Variants in PXDNL observed in about 807,000 individuals in gnomAD.
PXDNL encodes the protein probable oxidoreductase PXDNL.
A neutral mutation model predicts 150.8 loss-of-function variants in PXDNL; 145 were observed. That is an observed-to-expected ratio of 0.96 (90% CI 0.84 to 1.10). The LOEUF is 1.10. PXDNL is among the 50% of genes least tolerant of loss of function. The pLI is 0.00. For missense variants in PXDNL, 2,087 were observed against 1,873.9 expected, an observed-to-expected ratio of 1.11 and a Z score of -2.10; for synonymous variants, 757 against 725.7, an observed-to-expected ratio of 1.04 and a Z score of -0.69.
intron 1 of PXDNL, among the ~76,000 whole-genome samples, chr8:51,726,496 G>A (rs745757494): frequency 4.6e-5 from 7 of 152,212 alleles, no homozygotes; most frequent in Non-Finnish European, 1.0e-4. Flanking sequence ...GAAAAACATA[G>A]ACGTGACTAT....
chr8:51,431,530 T>C (rs1341527070), intron 12 of PXDNL, among the ~76,000 whole-genome samples: 3 of 152,228 alleles, frequency 2.0e-5, no homozygotes, highest in African/African-American at 2.4e-5. Flanking sequence ...TTTGTGGCTT[T>C]TGACACATTT....
chr8:51,423,267 C>G (rs1809003911), intron 14 of PXDNL, among the ~76,000 whole-genome samples: 1 of 152,182 alleles, frequency 6.6e-6, no homozygotes, highest in African/African-American at 2.4e-5. Flanking sequence ...TCCGGCTCCA[C>G]ATTTTGGCTA....
In PXDNL at chr8:51,753,049, G is replaced by A. The variant is rs567311569; in HGVS notation, c.164+56132C>T. On this transcript the variant is annotated intron_variant, in intron 1 of 22. Transcript: ENST00000356297. Reference sequence around the variant, plus strand: ...CCGGTGCCATTCGTCCTGCACATCAGTGAATATTTGGCCATTTACAATGGA... The same window carrying A: ...CCGGTGCCATTCGTCCTGCACATCAATGAATATTTGGCCATTTACAATGGA... Among the ~76,000 whole-genome samples the A allele has an allele frequency of 2.6e-5, 4 of 152,304 alleles. No individual in the cohort carries two copies. The South Asian group carries it at 8.3e-4, about 32-fold the overall frequency.
At chr8:51,525,908 A>C (rs1320756070) in intron 4 of PXDNL, among the ~76,000 whole-genome samples, 3 of 152,208 alleles carry the variant, frequency 2.0e-5, no homozygotes, top group Non-Finnish European at 2.9e-5. Context: ...GAGTTGTGGC[A>C]AATAAGAAAG....
intron 10 of PXDNL, among the ~76,000 whole-genome samples, chr8:51,452,935 A>AACACATACACACAC (rs60146365): frequency 0.018 from 2,563 of 142,658 alleles, 45 homozygotes; most frequent in African/African-American, 0.052. Flanking sequence ...CACACACACA[A>AACACATACACACAC]ACACACACAC....
chr8:51,716,260 G>A (rs13261618), intron 1 of PXDNL, among the ~76,000 whole-genome samples: 9,339 of 152,276 alleles, frequency 0.061, 412 homozygotes, highest in Non-Finnish European at 0.091. Flanking sequence ...ATACCCTTTC[G>A]GTAGATATTT....
intron 21 of PXDNL, among the ~76,000 whole-genome samples, chr8:51,325,500 C>G (rs890414586): frequency 6.6e-6 from 1 of 152,140 alleles, no homozygotes; most frequent in Non-Finnish European, 1.5e-5. Flanking sequence ...CACCTCATAA[C>G]CCTCCTGGAT....
At chr8:51,606,943 C>T (rs1813847671) in intron 2 of PXDNL, among the ~76,000 whole-genome samples, 1 of 152,106 alleles carries the variant, frequency 6.6e-6, no homozygotes, top group Non-Finnish European at 1.5e-5. Flanking sequence ...TGCTCACTGT[C>T]AACAGTCTCC....
At chr8:51,504,017 A>G (rs962400344) in intron 4 of PXDNL, among the ~76,000 whole-genome samples, 1 of 152,034 alleles carries the variant, frequency 6.6e-6, no homozygotes, top group Non-Finnish European at 1.5e-5. Flanking sequence ...GCACTGCTGT[A>G]TATCTATTTG....
In PXDNL at chr8:51,475,046, G is replaced by A. The variant is rs776026694; in HGVS notation, c.620C>T (p.Ala207Val). Reference sequence around the variant, plus strand: ...TCTCCTGGGATATTCGCAGGTAGCCGCAGCCTGGGTGTGGCCGTGTTGGGC... The same window carrying A: ...TCTCCTGGGATATTCGCAGGTAGCCACAGCCTGGGTGTGGCCGTGTTGGGC... ...GFAQHGHTQA[A>V]ATCEYPRRLH... Residue 207 changes from alanine (A) to valine (V), a missense_variant, in exon 7 of 23, where the codon GCG becomes GTG. Coordinates refer to ENST00000356297, the MANE Select transcript of PXDNL (RefSeq NM_144651.5). The A allele has an allele frequency of 3.3e-5, 53 of 1,613,288 alleles. No individual in the cohort carries two copies. Among genetic ancestry groups the A allele is most frequent in the African/African-American group, 2.9e-4 (22 of 75,014 alleles).
intron 1 of PXDNL, among the ~76,000 whole-genome samples, chr8:51,794,831 G>C (rs1038362073): frequency 6.6e-6 from 1 of 152,078 alleles, no homozygotes; most frequent in Admixed American, 6.5e-5. Flanking sequence ...AAATGTAAAT[G>C]GACTAATTGT....
Position 51,481,302 on chromosome 8 carries a change from T to C in PXDNL, c.524+2341A>G, listed in dbSNP as rs1810598695. ...CCTATGCAAAGAGACTGGTGGCATTTTGCCCCGCCCTAGAGATCTGTGGAA... is the reference window on the plus strand; with the variant it reads ...CCTATGCAAAGAGACTGGTGGCATTCTGCCCCGCCCTAGAGATCTGTGGAA... On this transcript the variant is annotated intron_variant, in intron 6 of 22. Transcript: ENST00000356297. Among the ~76,000 whole-genome samples the C allele has an allele frequency of 2.0e-5, 3 of 152,192 alleles. No homozygotes were observed. In the South Asian group the frequency reaches 6.2e-4, roughly 32 times the overall value.
chr8:51,627,470 ATATT>A (rs1470943762), intron 2 of PXDNL, among the ~76,000 whole-genome samples: 2 of 152,236 alleles, frequency 1.3e-5, no homozygotes, highest in Non-Finnish European at 2.9e-5. Context: ...ACTAGACAAT[ATATT>A]TATTATATTT....
At chr8:51,792,531 GGCA>G (rs1461569366) in intron 1 of PXDNL, among the ~76,000 whole-genome samples, 6 of 152,208 alleles carry the variant, frequency 3.9e-5, no homozygotes, top group Non-Finnish European at 8.8e-5. Context: ...CCGAATTCCC[GGCA>G]GGAGAGGTGT....
intron 1 of PXDNL, among the ~76,000 whole-genome samples, chr8:51,782,235 G>C (rs2037422377): frequency 6.6e-6 from 1 of 152,136 alleles, no homozygotes; most frequent in South Asian, 2.1e-4. Context: ...GGCCTTCAGA[G>C]ATGCCTTGGG....
chr8:51,380,055 G>A (rs1174958057), intron 17 of PXDNL, among the ~76,000 whole-genome samples: 1 of 151,372 alleles, frequency 6.6e-6, no homozygotes, highest in Non-Finnish European at 1.5e-5. Context: ...GCTTCCCTGG[G>A]CCACATTGAA....
At chr8:51,396,300 C>T (rs980451983) in intron 17 of PXDNL, among the ~76,000 whole-genome samples, 1 of 152,226 alleles carries the variant, frequency 6.6e-6, no homozygotes, top group African/African-American at 2.4e-5. Flanking sequence ...CTGCAGGAAC[C>T]ATATGTGCTG....
At chr8:51,560,965 G>A (rs1440147701) in intron 3 of PXDNL, among the ~76,000 whole-genome samples, 1 of 151,608 alleles carries the variant, frequency 6.6e-6, no homozygotes, top group African/African-American at 2.4e-5. Context: ...TTAAAAATGG[G>A]TAAAGGACTT....
At chr8:51,392,731 T>C (rs1807951684) in intron 17 of PXDNL, among the ~76,000 whole-genome samples, 1 of 152,154 alleles carries the variant, frequency 6.6e-6, no homozygotes, top group African/African-American at 2.4e-5. Context: ...TACCCTTTAT[T>C]TCCTTCTCCT....
Sources: allele counts gnomAD v4.1 joint callset (sites outside exome capture counted in the v4.1 genomes callset), GRCh38; gene constraint gnomAD v4.1.1; transcripts MANE v1.5; gene names NCBI Gene and HGNC (gene_info 2026-07-23, HGNC 2026-07-21).